Variants in RGS6 observed in about 807,000 individuals in gnomAD.
RGS6 encodes the protein regulator of G protein signaling 6.
In RGS6, 30 loss-of-function variants were observed where a neutral mutation model predicts 78.5. The ratio of observed to expected loss-of-function variants is 0.38; its 90% confidence interval spans 0.29 to 0.52. The LOEUF (loss-of-function observed/expected upper bound fraction) is 0.52. Among genes scored for constraint, RGS6 ranks in the 20% least tolerant of loss-of-function variants. The pLI is 0.85. For missense variants in RGS6, 495 were observed against 609.7 expected (o/e 0.81, Z 1.98); for synonymous variants, 206 against 206.0 (o/e 1.00, Z 0.00).
chr14:72,046,571 T>A (rs1358112144), intron 2 of RGS6, among the ~76,000 whole-genome samples: 1 of 151,722 alleles, frequency 6.6e-6, no homozygotes, highest in Non-Finnish European at 1.5e-5. Flanking sequence ...CCCCATCTCC[T>A]CTTCTTCCTC....
chr14:72,120,401 C>CA (rs2096016931), intron 2 of RGS6, among the ~76,000 whole-genome samples: 1 of 152,200 alleles, frequency 6.6e-6, no homozygotes, highest in Non-Finnish European at 1.5e-5. Flanking sequence ...TCTGTTTCTT[C>CA]ATTCCTGTAG....
intron 2 of RGS6, among the ~76,000 whole-genome samples, chr14:72,051,669 G>A (rs192885980): frequency 1.3e-3 from 200 of 152,116 alleles, no homozygotes; most frequent in Middle Eastern, 6.8e-3. Flanking sequence ...GTAGAAGGAA[G>A]GAAAAGTTTT....
At chr14:71,900,140 A>G in the RGS6 span, among the ~76,000 whole-genome samples, 1 of 152,204 alleles carries the variant, frequency 6.6e-6, no homozygotes, top group Non-Finnish European at 1.5e-5. Context: ...GGAGAGAAGC[A>G]TCTTTGAAGT....
At chr14:72,071,211 A>G (rs2094396412) in intron 2 of RGS6, among the ~76,000 whole-genome samples, 1 of 152,168 alleles carries the variant, frequency 6.6e-6, no homozygotes, top group Admixed American at 6.5e-5. Context: ...TTCTATATGG[A>G]GTATGGTTCG....
intron 2 of RGS6, among the ~76,000 whole-genome samples, chr14:72,013,289 A>C (rs1386721102): frequency 4.6e-5 from 7 of 150,820 alleles, no homozygotes; most frequent in African/African-American, 9.7e-5. Flanking sequence ...AAAAAAAAAA[A>C]AAAAACAACA....
the RGS6 span, among the ~76,000 whole-genome samples, chr14:71,905,730 T>C: frequency 6.6e-6 from 1 of 152,032 alleles, no homozygotes; most frequent in Non-Finnish European, 1.5e-5. Context: ...GCTCAGGGAG[T>C]CTGCCTGCCT....
chr14:72,350,727 T>C (rs539260089), intron 2 of RGS6, among the ~76,000 whole-genome samples: 34 of 152,216 alleles, frequency 2.2e-4, no homozygotes, highest in South Asian at 6.2e-4. Flanking sequence ...CCACTGACAT[T>C]TGGGGGGTTA....
At chr14:72,112,222 C>T (rs2095784160) in intron 2 of RGS6, among the ~76,000 whole-genome samples, 1 of 152,224 alleles carries the variant, frequency 6.6e-6, no homozygotes, top group South Asian at 2.1e-4. Flanking sequence ...CTCTCCAACA[C>T]ATGCCATGTA....
At chr14:72,123,214 T>A (rs939588463) in intron 2 of RGS6, among the ~76,000 whole-genome samples, 4 of 152,222 alleles carry the variant, frequency 2.6e-5, no homozygotes, top group Non-Finnish European at 5.9e-5. Flanking sequence ...CCTCCCAAAG[T>A]GCTGGGATTA....
At chr14:72,487,752 G>T (rs1045658081) in intron 12 of RGS6, among the ~76,000 whole-genome samples, 1 of 152,196 alleles carries the variant, frequency 6.6e-6, no homozygotes, top group Non-Finnish European at 1.5e-5. Flanking sequence ...TTTTAGCTCA[G>T]TGAGACCCAT....
chr14:72,428,298 C>T (rs1434436521), intron 3 of RGS6, among the ~76,000 whole-genome samples: 1 of 152,020 alleles, frequency 6.6e-6, no homozygotes, highest in African/African-American at 2.4e-5. Context: ...TTACAGGTCA[C>T]CTAATACATA....
intron 2 of RGS6, among the ~76,000 whole-genome samples, chr14:72,011,664 A>G (rs1409859219): frequency 6.6e-6 from 1 of 152,238 alleles, no homozygotes; most frequent in Non-Finnish European, 1.5e-5. Context: ...AGGTATTATA[A>G]CTGATCTACA....
At chr14:72,337,331 T>C (rs1250454611) in intron 2 of RGS6, among the ~76,000 whole-genome samples, 1 of 151,570 alleles carries the variant, frequency 6.6e-6, no homozygotes, top group East Asian at 1.9e-4. Flanking sequence ...CACATTATTA[T>C]GGTCCGTGTT....
intron 2 of RGS6, among the ~76,000 whole-genome samples, chr14:72,112,214 C>T (rs1054786643): frequency 2.0e-5 from 3 of 152,256 alleles, no homozygotes; most frequent in African/African-American, 4.8e-5. Context: ...ACCTCACCCT[C>T]TCCAACACAT....
chr14:72,226,677 C>T (rs551549917), intron 2 of RGS6, among the ~76,000 whole-genome samples: 11 of 152,268 alleles, frequency 7.2e-5, no homozygotes, highest in South Asian at 4.1e-4. Context: ...ACAAGATCCC[C>T]GGGTGATTCT....
chr14:72,395,895 G>T (rs1255831864), intron 3 of RGS6, among the ~76,000 whole-genome samples: 2 of 152,042 alleles, frequency 1.3e-5, no homozygotes, highest in Non-Finnish European at 2.9e-5. Flanking sequence ...GTATTCCATG[G>T]TGTATATGTG....
At chr14:72,012,964 A>G (rs1231457917) in intron 2 of RGS6, among the ~76,000 whole-genome samples, 1 of 152,162 alleles carries the variant, frequency 6.6e-6, no homozygotes, top group East Asian at 1.9e-4. Flanking sequence ...TAATCATCTA[A>G]TGGCTCCTAT....
At chr14:71,931,258 C>T (rs1446274733), upstream of RGS6, among the ~76,000 whole-genome samples, 2 of 152,060 alleles carry the variant, frequency 1.3e-5, no homozygotes, top group African/African-American at 4.8e-5. Flanking sequence ...CCCCCCACCC[C>T]CCGCCTTTCT....
chr14:72,008,490 A>G (rs1463090315), intron 2 of RGS6, among the ~76,000 whole-genome samples: 1 of 148,272 alleles, frequency 6.7e-6, no homozygotes, highest in Non-Finnish European at 1.5e-5. Context: ...GGACTCACAG[A>G]GTTGTTAATC....
Sources: gnomAD v4.1 joint callset for allele counts (sites outside exome capture counted in the v4.1 genomes callset) on GRCh38, gnomAD v4.1.1 for gene constraint, MANE v1.5 for transcripts, NCBI Gene and HGNC (gene_info 2026-07-23, HGNC 2026-07-21) for gene names.